The following MAPK6 variants were observed in gnomAD, a reference collection of about 807,000 sequenced individuals.
The protein encoded by MAPK6 is mitogen-activated protein kinase 6.
A neutral mutation model predicts 59.3 loss-of-function variants in MAPK6; 19 were observed. That is an observed-to-expected ratio of 0.32 (90% CI 0.22 to 0.47). The LOEUF is 0.47. Among genes scored for constraint, MAPK6 ranks in the 20% least tolerant of loss-of-function variants. The pLI, the probability that MAPK6 is intolerant of heterozygous loss-of-function variation, is 1.00. For synonymous variants in MAPK6, 316 were observed against 290.3 expected (o/e 1.09, Z -0.90); for missense variants, 724 against 847.9 (o/e 0.85, Z 1.81).
chr15:51,983,725 T>G (rs1328120515), intron 2 of MAPK6, among the ~76,000 whole-genome samples: 2 of 152,050 alleles, frequency 1.3e-5, no homozygotes, highest in East Asian at 3.9e-4. Flanking sequence ...GAGGATCACT[T>G]GAGCCTGGGA....
At chr15:51,984,524 T>C (rs1432603270) in intron 2 of MAPK6, among the ~76,000 whole-genome samples, 2 of 148,276 alleles carry the variant, frequency 1.3e-5, no homozygotes, top group Non-Finnish European at 3.0e-5. Context: ...AGGATGGTCT[T>C]GATCTCCTGA....
At chr15:51,972,106 C>A (rs1338829973) in intron 1 of MAPK6, among the ~76,000 whole-genome samples, 1 of 151,756 alleles carries the variant, frequency 6.6e-6, no homozygotes, top group African/African-American at 2.4e-5. Context: ...TACTGAGCAG[C>A]TGTTCTCCAG....
chr15:52,058,634 T>G lies in MAPK6; in HGVS notation c.702T>G (p.Gly234=). ...TTTTTGTTTGTTTTTTAACCTCAGGTGCACATGAACTTGAACAGATGCAGC... is the reference window on the plus strand; with the variant it reads ...TTTTTGTTTGTTTTTTAACCTCAGGGGCACATGAACTTGAACAGATGCAGC... ...EMLTGKTLFA[G]AHELEQMQLI... Residue 234 remains glycine (G), a splice_region_variant and synonymous_variant, in exon 4 of 6, where the codon GGT becomes GGG. Coordinates refer to ENST00000261845, the MANE Select transcript of MAPK6 (RefSeq NM_002748.4). The G allele has an allele frequency of 6.3e-7, 1 of 1,598,752 alleles. No homozygotes were observed. Among genetic ancestry groups the G allele is most frequent in the Non-Finnish European group, 8.5e-7 (1 of 1,171,736 alleles).
chr15:52,036,970 C>CA (rs1363014721), intron 1 of MAPK6, among the ~76,000 whole-genome samples: 1 of 151,776 alleles, frequency 6.6e-6, no homozygotes, highest in African/African-American at 2.4e-5. Context: ...AAGGATATTC[C>CA]AAAAAAATAA....
At chr15:52,057,592 T>A (rs1314332148) in intron 3 of MAPK6, among the ~76,000 whole-genome samples, 1 of 151,902 alleles carries the variant, frequency 6.6e-6, no homozygotes, top group Non-Finnish European at 1.5e-5. Context: ...TTGCCCAGGC[T>A]AGAGTGCAGT....
chr15:51,984,447 A>ATTTTTTT (rs71130112), intron 2 of MAPK6, among the ~76,000 whole-genome samples: 1,401 of 69,852 alleles, frequency 0.02, 81 homozygotes, highest in East Asian at 0.049. Context: ...ACGCCGGCTA[A>ATTTTTTT]TTTTTTTTTT....
intron 3 of MAPK6, among the ~76,000 whole-genome samples, chr15:52,010,141 T>C (rs2030012112): frequency 6.6e-6 from 1 of 152,178 alleles, no homozygotes; most frequent in Non-Finnish European, 1.5e-5. Flanking sequence ...AGAACGTTTG[T>C]AAAGTGTTTA....
chr15:52,028,332 C>T (rs867010444), intron 1 of MAPK6, among the ~76,000 whole-genome samples: 11 of 152,266 alleles, frequency 7.2e-5, no homozygotes, highest in African/African-American at 2.6e-4. Context: ...AGTGATTCAT[C>T]TGCCTTGGCC....
At chr15:52,043,724 T>C (rs1021200247) in intron 1 of MAPK6, among the ~76,000 whole-genome samples, 5 of 149,312 alleles carry the variant, frequency 3.3e-5, no homozygotes, top group Admixed American at 6.7e-5. Context: ...AAATGATATG[T>C]TGGACTTAAG....
intron 1 of MAPK6, among the ~76,000 whole-genome samples, chr15:52,020,882 G>A (rs554493979): frequency 1.3e-5 from 2 of 152,298 alleles, no homozygotes; most frequent in South Asian, 4.1e-4. Flanking sequence ...ATTATTCATT[G>A]ATGTCCTGAA....
intron 1 of MAPK6, among the ~76,000 whole-genome samples, chr15:52,027,219 G>A (rs981298811): frequency 6.0e-5 from 9 of 151,058 alleles, no homozygotes; most frequent in Non-Finnish European, 8.8e-5. Context: ...CCATGGTAGC[G>A]TATGCCTGTA....
intron 2 of MAPK6, among the ~76,000 whole-genome samples, chr15:52,048,222 T>A (rs916500701): frequency 6.6e-6 from 1 of 152,120 alleles, no homozygotes; most frequent in Non-Finnish European, 1.5e-5. Flanking sequence ...TGATCTCAGC[T>A]CATTGCAACC....
At position 52,066,170 on chromosome 15, in the gene MAPK6, A is replaced by ATTTG. The variant is rs1220336964; in HGVS notation, c.*1174_*1177dup. 1.5e-4 allele frequency: 23 copies of ATTTG among 152,628 alleles called. No homozygotes were observed. Among genetic ancestry groups the ATTTG allele is most frequent in the African/African-American group, 5.3e-4 (22 of 41,554 alleles). 9.5% of individuals were successfully genotyped at this position (152,628 alleles called of 1,614,324 possible). The stretch of plus-strand genomic sequence containing the variant: ...GCATGTGGCATCGCAGTCTCTTAGA[A>ATTTG]TTTGTTTCATCTATTTTATTTTATT... On this transcript the variant is annotated 3_prime_UTR_variant, in exon 6 of 6. Coordinates refer to ENST00000261845, the MANE Select transcript of MAPK6 (RefSeq NM_002748.4).
At position 52,051,144 on chromosome 15, in the gene MAPK6, G is replaced by T. The variant is rs79358586; in HGVS notation, c.700+1007G>T. 4.9e-4 allele frequency among the ~76,000 whole-genome samples: 74 copies of T among 151,818 alleles called. No individual in the cohort carries two copies. In the East Asian group the frequency reaches 0.014, roughly 29 times the overall value. On this transcript the variant is annotated intron_variant, in intron 3 of 5. Transcript: ENST00000261845. ...GCGATTTCTGCTCACTGCAAGCTCC[G>T]CCTCCCAGGTTCACACCATTCTCCT... is the stretch of plus-strand genomic sequence containing the variant.
chr15:52,042,639 A>G (rs973341730), intron 1 of MAPK6: 4 of 152,216 alleles, frequency 2.6e-5, no homozygotes, highest in African/African-American at 7.2e-5. Context: ...ATTCTGTCAG[A>G]TAACAGTGGT....
chr15:52,006,276 C>G (rs1457879981), intron 3 of MAPK6, among the ~76,000 whole-genome samples: 1 of 152,040 alleles, frequency 6.6e-6, no homozygotes, highest in Non-Finnish European at 1.5e-5. Context: ...GAAGTTATAC[C>G]TGGAATCATG....
chr15:52,038,004 A>C (rs1050897546), intron 1 of MAPK6, among the ~76,000 whole-genome samples: 1 of 152,172 alleles, frequency 6.6e-6, no homozygotes, highest in Non-Finnish European at 1.5e-5. Flanking sequence ...GAAGAATCAC[A>C]TTAGATTAGG....
At chr15:52,016,070 G>GCGCGCGCGCGCACACACGCA, upstream of MAPK6, among the ~76,000 whole-genome samples, 1 of 55,392 alleles carries the variant, frequency 1.8e-5, no homozygotes, top group African/African-American at 7.0e-5. Context: ...GCGCGCGCGC[G>GCGCGCGCGCGCACACACGCA]CACACACACA....
intron 3 of MAPK6, 75 bp from the exon 4 acceptor site, chr15:52,058,558 A>G: frequency 8.0e-7 from 1 of 1,251,184 alleles, no homozygotes; most frequent in Non-Finnish European, 1.1e-6. Context: ...ATAATATTTA[A>G]ATTAGTTTAG....
Sources: allele counts gnomAD v4.1 joint callset (sites outside exome capture counted in the v4.1 genomes callset), GRCh38; gene constraint gnomAD v4.1.1; transcripts MANE v1.5; gene names NCBI Gene and HGNC (gene_info 2026-07-23, HGNC 2026-07-21).